Variants in NPAS2 observed in about 807,000 individuals in gnomAD.
The protein encoded by NPAS2 is neuronal PAS domain protein 2.
NPAS2 carries 23 observed loss-of-function variants against 107.5 expected under a neutral mutation model. The observed-to-expected ratio is 0.21, with a 90% CI of 0.15 to 0.30. NPAS2 has a LOEUF of 0.30. Ranked by LOEUF, NPAS2 falls within the 10% of genes least tolerant of loss-of-function variation. The pLI is 1.00. For missense variants in NPAS2, 756 were observed against 1,043.3 expected (o/e 0.72, Z 3.79); for synonymous variants, 403 against 417.5 (o/e 0.97, Z 0.42).
intron 19 of NPAS2, among the ~76,000 whole-genome samples, chr2:100,991,580 C>A (rs1305021941): frequency 6.6e-6 from 1 of 152,234 alleles, no homozygotes; most frequent in Non-Finnish European, 1.5e-5. Flanking sequence ...CAGGCACCCC[C>A]AGGCCCCTCT....
At chr2:100,900,984 AC>A (rs1180046709) in intron 1 of NPAS2, among the ~76,000 whole-genome samples, 3 of 150,646 alleles carry the variant, frequency 2.0e-5, no homozygotes, top group African/African-American at 7.3e-5. Context: ...CCACTCTCCC[AC>A]CCTAAGGGCT....
chr2:100,918,893 C>G (rs542812879), intron 2 of NPAS2, among the ~76,000 whole-genome samples: 2 of 152,298 alleles, frequency 1.3e-5, no homozygotes, highest in Non-Finnish European at 2.9e-5. Context: ...GTCCTGGATT[C>G]TTTACTTCAG....
chr2:100,990,304 T>C lies in NPAS2; in HGVS notation c.1876T>C (p.Ser626Pro), dbSNP rs781710928. 6 of 1,614,108 alleles carry C rather than the reference T, an allele frequency of 3.7e-6. No homozygotes were observed. The highest frequency in any genetic ancestry group is 1.7e-5 in the Admixed American group (1 of 60,024). Residue 626 changes from serine (S) to proline (P), a missense_variant, in exon 18 of 21, where the codon TCT (serine) becomes CCT (proline). Ser to Pro is a moderately conservative substitution (Grantham distance 74). Around this residue, in one of 4 missense-constraint regions of NPAS2, gnomAD observed 496 missense variants for 594.4 expected, o/e 0.83. Coordinates refer to ENST00000335681, the MANE Select transcript of NPAS2 (RefSeq NM_002518.4). ...ACAGCTAATGCAGAGCAGCGGCCGC[T>C]CTGGAAGCAGCCTAGTGTCCCCGTT... is the stretch of plus-strand genomic sequence containing the variant. ...SSQLMQSSGR[S>P]GSSLVSPFSS...
At chr2:100,988,713 G>T in intron 17 of NPAS2, 1 of 327,588 alleles carries the variant, frequency 3.1e-6, no homozygotes, top group South Asian at 2.4e-5. Flanking sequence ...CCTTGCCCCA[G>T]GTGCCCCCTG....
intron 1 of NPAS2, among the ~76,000 whole-genome samples, chr2:100,904,427 A>C (rs1320401749): frequency 6.6e-6 from 1 of 152,242 alleles, no homozygotes; most frequent in Non-Finnish European, 1.5e-5. Flanking sequence ...TCCTTGTCTC[A>C]TGAGTGTACA....
intron 2 of NPAS2, among the ~76,000 whole-genome samples, chr2:100,907,146 G>A (rs896844985): frequency 4.6e-5 from 7 of 151,978 alleles, no homozygotes; most frequent in Non-Finnish European, 7.4e-5. Context: ...CTCCTGCACC[G>A]CTTACCTCTA....
At chr2:100,956,664 A>C (rs1304479849) in intron 7 of NPAS2, among the ~76,000 whole-genome samples, 1 of 152,162 alleles carries the variant, frequency 6.6e-6, no homozygotes, top group Non-Finnish European at 1.5e-5. Flanking sequence ...AATCACATCA[A>C]CAGGAAGCCT....
chr2:100,888,335 A>G (rs368714482), intron 1 of NPAS2, among the ~76,000 whole-genome samples: 1 of 152,112 alleles, frequency 6.6e-6, no homozygotes. Flanking sequence ...GTGAACAGCT[A>G]AAGCCAAGGA....
chr2:100,895,592 C>T (rs1301882655), intron 1 of NPAS2, among the ~76,000 whole-genome samples: 2 of 152,190 alleles, frequency 1.3e-5, no homozygotes, highest in African/African-American at 4.8e-5. Flanking sequence ...CTGCCAATTC[C>T]CTTAGGAGTT....
At chr2:100,883,662 G>A (rs1178254998) in intron 1 of NPAS2, among the ~76,000 whole-genome samples, 2 of 152,106 alleles carry the variant, frequency 1.3e-5, no homozygotes, top group Non-Finnish European at 2.9e-5. Flanking sequence ...ATGTTTACCT[G>A]TACAGCCACC....
chr2:100,947,097 G>A (rs939976349), intron 5 of NPAS2, among the ~76,000 whole-genome samples: 1 of 152,206 alleles, frequency 6.6e-6, no homozygotes, highest in Non-Finnish European at 1.5e-5. Flanking sequence ...ATTCAAACCT[G>A]AAAGTGTATA....
intron 16 of NPAS2, chr2:100,984,583 A>C (rs550057225): frequency 3.3e-5 from 5 of 152,014 alleles, no homozygotes; most frequent in Non-Finnish European, 5.9e-5. Flanking sequence ...GAAAATTAGA[A>C]GTTGTTGGTT....
intron 1 of NPAS2, among the ~76,000 whole-genome samples, chr2:100,824,542 T>C (rs1057067188): frequency 6.6e-6 from 1 of 152,206 alleles, no homozygotes; most frequent in African/African-American, 2.4e-5. Context: ...AAGCCATCAA[T>C]CTGTCTTTCC....
chr2:100,822,251 C>A (rs563686430), intron 1 of NPAS2, among the ~76,000 whole-genome samples: 1 of 152,242 alleles, frequency 6.6e-6, no homozygotes, highest in African/African-American at 2.4e-5. Context: ...CAAAAATAAC[C>A]AAGTGAGGCT....
chr2:100,963,443 T>C (rs180967641), intron 7 of NPAS2, among the ~76,000 whole-genome samples: 1 of 150,654 alleles, frequency 6.6e-6, no homozygotes, highest in African/African-American at 2.5e-5. Flanking sequence ...TCTTACTGTG[T>C]CACCCAGGCT....
At chr2:100,827,628 A>G (rs1362813353) in intron 1 of NPAS2, among the ~76,000 whole-genome samples, 1 of 152,218 alleles carries the variant, frequency 6.6e-6, no homozygotes, top group African/African-American at 2.4e-5. Context: ...TATAAGTGAG[A>G]ACATGCAGTA....
At chr2:100,879,142 TAAATATTTTCATG>T (rs1476053665) in intron 1 of NPAS2, among the ~76,000 whole-genome samples, 1 of 151,996 alleles carries the variant, frequency 6.6e-6, no homozygotes, top group Non-Finnish European at 1.5e-5. Context: ...AAAAGCCTTC[TAAATATTTTCATG>T]AAGGTGCAAT....
chr2:100,872,944 A>G (rs1013957337), intron 1 of NPAS2, among the ~76,000 whole-genome samples: 4 of 152,098 alleles, frequency 2.6e-5, no homozygotes, highest in Non-Finnish European at 4.4e-5. Context: ...CTAACAGACT[A>G]AGTTCTAGTA....
chr2:100,985,607 T>C (rs1270558202), intron 16 of NPAS2: 1 of 152,226 alleles, frequency 6.6e-6, no homozygotes, highest in Non-Finnish European at 1.5e-5. Flanking sequence ...TATCAAACAG[T>C]TTTTATATGC....
Sources: allele counts gnomAD v4.1 joint callset (sites outside exome capture counted in the v4.1 genomes callset), GRCh38; gene constraint gnomAD v4.1.1; regional missense constraint gnomAD v4.1.1; transcripts MANE v1.5; gene names NCBI Gene and HGNC (gene_info 2026-07-23, HGNC 2026-07-21).